The following CAP2 variants were observed in gnomAD, a reference collection of about 807,000 sequenced individuals.
CAP2 encodes the protein cyclase associated actin cytoskeleton regulatory protein 2.
CAP2 carries 24 observed loss-of-function variants against 57.7 expected under a neutral mutation model. The ratio of observed to expected loss-of-function variants is 0.42; its 90% confidence interval spans 0.30 to 0.58. CAP2 has a LOEUF of 0.58. Among genes scored for constraint, CAP2 ranks in the 20% least tolerant of loss-of-function variants. CAP2 has a pLI of 0.22. For missense variants in CAP2, 501 were observed against 590.3 expected, an observed-to-expected ratio of 0.85 and a Z score of 1.57; for synonymous variants, 194 against 207.2, an observed-to-expected ratio of 0.94 and a Z score of 0.55.
intron 7 of CAP2, among the ~76,000 whole-genome samples, chr6:17,515,629 C>CA (rs199799484): frequency 2.6e-5 from 4 of 151,560 alleles, no homozygotes; most frequent in East Asian, 1.9e-4. Context: ...GAAATTATTC[C>CA]AAAAAAAAGA....
At chr6:17,536,109 C>G (rs766414041) in intron 7 of CAP2, 10 of 433,998 alleles carry the variant, frequency 2.3e-5, no homozygotes, top group Non-Finnish European at 4.6e-5. Flanking sequence ...AGGTGTGAGC[C>G]TCCGCGCCCA....
intron 3 of CAP2, among the ~76,000 whole-genome samples, chr6:17,459,214 C>T (rs73373280): frequency 0.013 from 1,985 of 152,228 alleles, 49 homozygotes; most frequent in African/African-American, 0.046. Flanking sequence ...GGAGTGAATC[C>T]TGGTTTGGGG....
chr6:17,506,478 G>A (rs1761988013), intron 4 of CAP2, among the ~76,000 whole-genome samples: 1 of 151,980 alleles, frequency 6.6e-6, no homozygotes, highest in East Asian at 1.9e-4. Context: ...CCCCACCTCT[G>A]CTAAAAATAA....
At chr6:17,539,224 G>T in intron 7 of CAP2, 45 bp from the exon 8 acceptor site, 9 of 1,548,170 alleles carry the variant, frequency 5.8e-6, no homozygotes, top group Non-Finnish European at 7.9e-6. Context: ...CCCAGCAAGG[G>T]CGCAGTCTCA....
chr6:17,440,841 C>T (rs1289020131), intron 3 of CAP2, among the ~76,000 whole-genome samples: 6 of 151,182 alleles, frequency 4.0e-5, no homozygotes, highest in Admixed American at 3.3e-4. Flanking sequence ...CCATGACAGG[C>T]CCTAGTGTGT....
intron 7 of CAP2, among the ~76,000 whole-genome samples, chr6:17,528,312 A>G (rs1016206262): frequency 2.0e-5 from 3 of 152,266 alleles, no homozygotes; most frequent in Admixed American, 1.3e-4. Flanking sequence ...GTCAAGGAGC[A>G]TCTGCATAAA....
intron 12 of CAP2, 147 bp from the exon 13 acceptor site, chr6:17,556,212 T>G: frequency 1.6e-6 from 1 of 622,128 alleles, no homozygotes; most frequent in Non-Finnish European, 2.9e-6. Context: ...GACAAAGACC[T>G]CCCCATGACG....
chr6:17,503,376 A>C lies in CAP2; in HGVS notation c.301-3793A>C, dbSNP rs144227249. ...GTAATACCAATACTTTGGGAGGCCG[A>C]GGCGGGCAGATCACAGGTTGAGACC... On this transcript the variant is annotated intron_variant, in intron 4 of 12. Coordinates refer to ENST00000229922, the MANE Select transcript of CAP2 (RefSeq NM_006366.3). Among the ~76,000 whole-genome samples the C allele has an allele frequency of 3.3e-3, 501 of 152,222 alleles. 2 individuals carry two copies. The highest frequency in any genetic ancestry group is 0.012 in the African/African-American group (481 of 41,544).
At chr6:17,424,078 T>A (rs1044794833) in intron 2 of CAP2, among the ~76,000 whole-genome samples, 1 of 152,210 alleles carries the variant, frequency 6.6e-6, no homozygotes. Context: ...AAAAGTTATT[T>A]TTTTTTTAAT....
rs377008600 is a variant in CAP2, at chr6:17,447,673, A to G, written c.223-15323A>G. 5.3e-5 allele frequency among the ~76,000 whole-genome samples: 8 copies of G among 152,228 alleles called. No individual in the cohort carries two copies. In the East Asian group the frequency reaches 1.5e-3, roughly 29 times the overall value. On this transcript the variant is annotated intron_variant, in intron 3 of 12. Coordinates refer to ENST00000229922, the MANE Select transcript of CAP2 (RefSeq NM_006366.3). The stretch of plus-strand genomic sequence containing the variant: ...GCCATCATGCCTGGCTAACTTTTGT[A>G]TTTTTGAAGAGACTGGGTTTCACCA...
rs1054707885 is a variant in CAP2, at chr6:17,513,839, C to CA, written c.531-9dup. ...AACTCTGCTTTCTTCAACCCTCTTT[C>CA]ACAACAAAGTGATTTGCGTCATGTG... On this transcript the variant is annotated splice_polypyrimidine_tract_variant and intron_variant, in intron 6 of 12. Coordinates refer to ENST00000229922, the MANE Select transcript of CAP2 (RefSeq NM_006366.3). This position sits in a 1 kb window ranked among gnomAD's most constrained non-coding sequence, Gnocchi z 4.3. 1 of 1,587,750 alleles carries CA rather than the reference C, an allele frequency of 6.3e-7. No homozygotes were observed. Among genetic ancestry groups the CA allele is most frequent in the East Asian group, 2.2e-5 (1 of 44,770 alleles).
intron 3 of CAP2, among the ~76,000 whole-genome samples, chr6:17,453,418 C>T (rs1760466271): frequency 1.3e-5 from 2 of 152,204 alleles, no homozygotes; most frequent in Non-Finnish European, 2.9e-5. Context: ...CCTATGAAAT[C>T]CATCTGCGTC....
At chr6:17,514,100 A>G in intron 7 of CAP2, 146 bp downstream of exon 7, 2 of 630,500 alleles carry the variant, frequency 3.2e-6, no homozygotes, top group Non-Finnish European at 5.7e-6. Flanking sequence ...GCGGTGGCTC[A>G]CGCCTGTAAT....
Position 17,553,127 on chromosome 6 carries a change from A to G in CAP2, c.1350+1523A>G, listed in dbSNP as rs149267128. On this transcript the variant is annotated intron_variant, in intron 12 of 12. Coordinates refer to ENST00000229922, the MANE Select transcript of CAP2 (RefSeq NM_006366.3). ...CTGGCCTTTGCAGCTGTTTAAGCAG[A>G]AGGAAGGCTCAGCTGCATGGGACTG... Among the ~76,000 whole-genome samples the G allele has an allele frequency of 3.3e-3, 504 of 152,258 alleles. 1 individual carries two copies. The highest frequency in any genetic ancestry group is 0.011 in the African/African-American group (473 of 41,558).
intron 7 of CAP2, among the ~76,000 whole-genome samples, chr6:17,520,999 A>G (rs1561814215): frequency 6.6e-6 from 1 of 152,090 alleles, no homozygotes; most frequent in Non-Finnish European, 1.5e-5. Flanking sequence ...AGTGTACCTG[A>G]CCACAGCTGC....
At chr6:17,471,113 G>A (rs1761006050) in intron 4 of CAP2, among the ~76,000 whole-genome samples, 1 of 152,132 alleles carries the variant, frequency 6.6e-6, no homozygotes. Flanking sequence ...GCATACCTTG[G>A]GTAAATTACT....
intron 1 of CAP2, among the ~76,000 whole-genome samples, chr6:17,416,269 G>A (rs916233588): frequency 5.4e-4 from 82 of 152,128 alleles, no homozygotes; most frequent in African/African-American, 1.9e-3. Flanking sequence ...CATTTCCATT[G>A]ACCAGATCTT....
chr6:17,556,215 C>T, intron 12 of CAP2, 144 bp from the exon 13 acceptor site: 1 of 634,616 alleles, frequency 1.6e-6, no homozygotes, highest in Admixed American at 2.4e-5. Flanking sequence ...AAAGACCTCC[C>T]CATGACGCAG....
chr6:17,413,746 G>C (rs1052504613), intron 1 of CAP2, among the ~76,000 whole-genome samples: 1 of 152,168 alleles, frequency 6.6e-6, no homozygotes, highest in Non-Finnish European at 1.5e-5. Flanking sequence ...CACTGATACG[G>C]TTACTGTAAA....
Sources: allele counts gnomAD v4.1 joint callset (sites outside exome capture counted in the v4.1 genomes callset), GRCh38; gene constraint gnomAD v4.1.1; non-coding constraint Gnocchi (gnomAD v3.1); transcripts MANE v1.5; gene names NCBI Gene and HGNC (gene_info 2026-07-23, HGNC 2026-07-21).